Variants in C1orf185 observed in about 807,000 individuals in gnomAD.
C1orf185 encodes uncharacterized protein C1orf185.
Under a neutral mutation model 16.1 loss-of-function variants are expected in C1orf185, and 13 were observed. The ratio of observed to expected loss-of-function variants is 0.81; its 90% confidence interval spans 0.53 to 1.28. C1orf185 has a LOEUF of 1.28. C1orf185 is among the 50% of genes most tolerant of loss of function. C1orf185 has a pLI of 0.00. For synonymous variants in C1orf185, 80 were observed against 76.9 expected (o/e 1.04, Z -0.21); for missense variants, 220 against 225.2 (o/e 0.98, Z 0.15).
intron 1 of C1orf185, among the ~76,000 whole-genome samples, chr1:51,104,052 C>T (rs552488611): frequency 9.8e-5 from 15 of 152,308 alleles, no homozygotes; most frequent in Non-Finnish European, 1.9e-4. Flanking sequence ...GGCTGCATAT[C>T]AGCCCTGCAT....
intron 3 of C1orf185, among the ~76,000 whole-genome samples, chr1:51,137,178 T>C (rs1218212623): frequency 6.6e-6 from 1 of 152,256 alleles, no homozygotes; most frequent in African/African-American, 2.4e-5. Context: ...TCACTGATCA[T>C]GAGAGAAATG....
chr1:51,106,421 T>A (rs955720873), intron 1 of C1orf185, among the ~76,000 whole-genome samples: 12 of 152,084 alleles, frequency 7.9e-5, no homozygotes, highest in South Asian at 2.1e-4. Flanking sequence ...CTATATTTTT[T>A]AAATATTTGA....
At chr1:51,124,624 T>C (rs928338188) in intron 3 of C1orf185, among the ~76,000 whole-genome samples, 17 of 152,280 alleles carry the variant, frequency 1.1e-4, no homozygotes, top group African/African-American at 4.1e-4. Flanking sequence ...TTCAATTACA[T>C]GCAAATTAAG....
chr1:51,147,477 T>A lies in C1orf185; in HGVS notation c.306T>A (p.Asp102Glu). The change falls in exon 5 of 5, where the codon GAT becomes GAA. Residue 102 changes from aspartate (D) to glutamate (E), a missense_variant. Asp to Glu is a conservative substitution (Grantham distance 45, BLOSUM62 2). Coordinates refer to ENST00000371759, the MANE Select transcript of C1orf185 (RefSeq NM_001136508.2). ...KEAAHIKAIK[D>E]HSKDEPQLAT... ...AATCTGTTTTTACAGCAATTAAAGA[T>A]CATTCTAAAGATGAACCCCAACTTG... The A allele has an allele frequency of 2.0e-6, 3 of 1,524,350 alleles. No homozygotes were observed. Among genetic ancestry groups the A allele is most frequent in the Non-Finnish European group, 2.6e-6 (3 of 1,136,424 alleles). 94.4% of individuals were successfully genotyped at this position (1,524,350 alleles called of 1,614,324 possible). A position where few individuals can be genotyped will look rare whatever the true frequency, so the allele number is the denominator to read the frequency against.
Position 51,105,658 on chromosome 1 carries a change from AT to A in C1orf185, c.16+3411del, listed in dbSNP as rs556490298. 4.6e-5 allele frequency among the ~76,000 whole-genome samples: 7 copies of A among 152,354 alleles called. No homozygotes were observed. In the East Asian group the frequency reaches 1.2e-3, roughly 25 times the overall value. Reference sequence around the variant, plus strand: ...AATAAACCAATAAATAAAGAATATTATTAATGATTATTATTAAAGACAAAGA... The same window carrying A: ...AATAAACCAATAAATAAAGAATATTATAATGATTATTATTAAAGACAAAGA... On this transcript the variant is annotated intron_variant, in intron 1 of 4. Transcript: ENST00000371759.
At chr1:51,133,082 G>A (rs916383835) in intron 3 of C1orf185, among the ~76,000 whole-genome samples, 3 of 152,142 alleles carry the variant, frequency 2.0e-5, no homozygotes, top group African/African-American at 4.8e-5. Context: ...GGAAAGGAAA[G>A]ACCCTTACCA....
downstream of C1orf185, among the ~76,000 whole-genome samples, chr1:51,149,603 C>T (rs1646420422): frequency 6.6e-6 from 1 of 152,048 alleles, no homozygotes; most frequent in Non-Finnish European, 1.5e-5. Flanking sequence ...CTAAAACTTC[C>T]CTAGGAATTT....
chr1:51,137,986 G>A (rs1646338544), intron 3 of C1orf185, among the ~76,000 whole-genome samples: 1 of 152,128 alleles, frequency 6.6e-6, no homozygotes, highest in African/African-American at 2.4e-5. Context: ...TCATTTATAT[G>A]GGAGAGCCAA....
chr1:51,103,410 A>AAG (rs1553161775), intron 1 of C1orf185, among the ~76,000 whole-genome samples: 1 of 128,892 alleles, frequency 7.8e-6, no homozygotes, highest in Admixed American at 8.1e-5. Flanking sequence ...TGTCTCGAAA[A>AAG]ACACACACAC....
At position 51,111,374 on chromosome 1, in the gene C1orf185, C is replaced by CTTTTTTTTTTT. The variant is rs11414730; in HGVS notation, c.17-1085_17-1075dup. ...TGCTTTCATTTAGCTTTCTTTCTTT[C>CTTTTTTTTTTT]TTTTTTTTTTTTTTTGAGAGACAGG... On this transcript the variant is annotated intron_variant, in intron 1 of 4. Transcript: ENST00000371759. 4.6e-4 allele frequency among the ~76,000 whole-genome samples: 62 copies of CTTTTTTTTTTT among 133,932 alleles called. 2 individuals carry two copies. Among genetic ancestry groups the CTTTTTTTTTTT allele is most frequent in the African/African-American group, 1.8e-3 (56 of 31,424 alleles). The allele number at this position is 133,932 out of a possible 152,430, so 87.9% of individuals were successfully genotyped here. A position where few individuals can be genotyped will look rare whatever the true frequency, so the allele number is the denominator to read the frequency against.
At chr1:51,103,448 C>CACACACAA (rs772356987) in intron 1 of C1orf185, among the ~76,000 whole-genome samples, 8 of 149,886 alleles carry the variant, frequency 5.3e-5, no homozygotes, top group Non-Finnish European at 8.9e-5. Flanking sequence ...CACACACACA[C>CACACACAA]AAAAACCACG....
At chr1:51,142,805 CT>C (rs1323754308) in intron 3 of C1orf185, among the ~76,000 whole-genome samples, 1 of 152,096 alleles carries the variant, frequency 6.6e-6, no homozygotes, top group Non-Finnish European at 1.5e-5. Flanking sequence ...GGCAGAGTCA[CT>C]CTGTGGCCCA....
chr1:51,150,325 T>G (rs946449415), downstream of C1orf185, among the ~76,000 whole-genome samples: 1 of 152,022 alleles, frequency 6.6e-6, no homozygotes, highest in African/African-American at 2.4e-5. Context: ...CCTGAGTAGC[T>G]GGGACTACAG....
chr1:51,139,100 TTC>T (rs1281620209), intron 3 of C1orf185, among the ~76,000 whole-genome samples: 3 of 152,136 alleles, frequency 2.0e-5, no homozygotes, highest in Non-Finnish European at 4.4e-5. Context: ...TCTTTTTTTT[TTC>T]TTTTTCTTTT....
intron 3 of C1orf185, among the ~76,000 whole-genome samples, chr1:51,127,509 C>T (rs1436894136): frequency 6.6e-6 from 1 of 152,172 alleles, no homozygotes; most frequent in East Asian, 1.9e-4. Flanking sequence ...TAGTCTCGAG[C>T]TCCTGACCTC....
At chr1:51,112,086 A>C (rs1478975910) in intron 1 of C1orf185, among the ~76,000 whole-genome samples, 1 of 152,178 alleles carries the variant, frequency 6.6e-6, no homozygotes, top group Non-Finnish European at 1.5e-5. Flanking sequence ...TAAAATGAAA[A>C]TCTTAAAAAG....
At chr1:51,137,062 A>G (rs890588775) in intron 3 of C1orf185, among the ~76,000 whole-genome samples, 4 of 152,232 alleles carry the variant, frequency 2.6e-5, no homozygotes, top group Admixed American at 2.6e-4. Flanking sequence ...AATTTACAAG[A>G]AAAAAACAAG....
chr1:51,133,620 C>A (rs1398855284), intron 3 of C1orf185, among the ~76,000 whole-genome samples: 4 of 152,138 alleles, frequency 2.6e-5, no homozygotes, highest in African/African-American at 9.7e-5. Flanking sequence ...GAGTTTTACA[C>A]CCCACTGACA....
intron 3 of C1orf185, among the ~76,000 whole-genome samples, chr1:51,129,517 TC>T (rs1646268128): frequency 1.3e-5 from 2 of 152,168 alleles, no homozygotes; most frequent in African/African-American, 4.8e-5. Flanking sequence ...ACTCAAGGGA[TC>T]CTCCCACCTC....
Sources: gnomAD v4.1 joint callset for allele counts (sites outside exome capture counted in the v4.1 genomes callset) on GRCh38, gnomAD v4.1.1 for gene constraint, MANE v1.5 for transcripts, NCBI Gene and HGNC (gene_info 2026-07-23, HGNC 2026-07-21) for gene names.